PTPRN2: variants seen among roughly 807,000 people sequenced by gnomAD.
PTPRN2 encodes protein tyrosine phosphatase receptor type N2, also known as receptor-type tyrosine-protein phosphatase N2.
In PTPRN2, 74 loss-of-function variants were observed where a neutral mutation model predicts 118.8. That is an observed-to-expected ratio of 0.62 (90% CI 0.52 to 0.76). The LOEUF is 0.76. PTPRN2 is among the 30% of genes least tolerant of loss of function. The probability of loss-of-function intolerance (pLI) is 0.00; values close to 1 mark genes in which losing one functional copy is unlikely to be tolerated. For synonymous variants in PTPRN2, 641 were observed against 608.0 expected (o/e 1.05, Z -0.80); for missense variants, 1,481 against 1,394.4 (o/e 1.06, Z -0.99).
chr7:158,341,284 T>G (rs1312672677), intron 2 of PTPRN2, among the ~76,000 whole-genome samples: 2 of 148,208 alleles, frequency 1.3e-5, no homozygotes, highest in African/African-American at 4.9e-5. Flanking sequence ...ACTCTCACCA[T>G]AAGAGCCGAC....
intron 5 of PTPRN2, among the ~76,000 whole-genome samples, chr7:158,176,971 T>C (rs2335835): frequency 0.89 from 134,965 of 152,182 alleles, 60,115 homozygotes; most frequent in African/African-American, 0.97. Flanking sequence ...TAGGTGGCCC[T>C]CCTCCAGAAA....
At chr7:158,569,414 G>T (rs1456388679) in intron 1 of PTPRN2, among the ~76,000 whole-genome samples, 6 of 152,224 alleles carry the variant, frequency 3.9e-5, no homozygotes, top group Admixed American at 2.6e-4. Flanking sequence ...ACCCAGATGC[G>T]CCCGCTTGGG....
chr7:158,261,226 C>T (rs1173284457), intron 3 of PTPRN2, among the ~76,000 whole-genome samples: 4 of 152,074 alleles, frequency 2.6e-5, no homozygotes, highest in African/African-American at 4.8e-5. Context: ...AGGCCAGGGT[C>T]GGCCTGCATG....
At chr7:158,482,162 T>G (rs1040982595) in intron 2 of PTPRN2, among the ~76,000 whole-genome samples, 1 of 152,202 alleles carries the variant, frequency 6.6e-6, no homozygotes, top group African/African-American at 2.4e-5. Flanking sequence ...TGGAATCTAC[T>G]CCTGGTGAAG....
At chr7:157,871,499 T>C (rs976310256) in intron 12 of PTPRN2, among the ~76,000 whole-genome samples, 2 of 152,114 alleles carry the variant, frequency 1.3e-5, no homozygotes, top group Non-Finnish European at 2.9e-5. Flanking sequence ...GCAGCTGTGA[T>C]GTAGGAGGCA....
intron 2 of PTPRN2, among the ~76,000 whole-genome samples, chr7:158,345,317 G>C (rs1409743727): frequency 6.6e-6 from 1 of 152,202 alleles, no homozygotes; most frequent in Non-Finnish European, 1.5e-5. Flanking sequence ...TTTGGGTTTT[G>C]TCTTAATTTG....
chr7:158,085,638 CCACA>C (rs1214914286), intron 10 of PTPRN2, among the ~76,000 whole-genome samples: 1 of 128,158 alleles, frequency 7.8e-6, no homozygotes, highest in Non-Finnish European at 1.6e-5. Context: ...CGACGCCCAT[CCACA>C]CAGATACCCA....
At chr7:157,951,663 C>T (rs760730002) in intron 11 of PTPRN2, among the ~76,000 whole-genome samples, 6 of 152,242 alleles carry the variant, frequency 3.9e-5, no homozygotes, top group East Asian at 1.9e-4. Flanking sequence ...AACGTCCCTC[C>T]GCTTCCGCAG....
At chr7:157,884,342 T>C (rs565369472) in intron 12 of PTPRN2, among the ~76,000 whole-genome samples, 2 of 152,348 alleles carry the variant, frequency 1.3e-5, no homozygotes, top group Non-Finnish European at 2.9e-5. Context: ...ACAAGTTGAT[T>C]CTCTTCTATA....
chr7:157,710,145 G>A (rs1278435125), intron 12 of PTPRN2, among the ~76,000 whole-genome samples: 1 of 152,154 alleles, frequency 6.6e-6, no homozygotes, highest in Non-Finnish European at 1.5e-5. Flanking sequence ...GAACCCACAG[G>A]GCACTTGGGT....
intron 2 of PTPRN2, among the ~76,000 whole-genome samples, chr7:158,445,233 C>A (rs1245066601): frequency 6.6e-6 from 1 of 152,238 alleles, no homozygotes; most frequent in Non-Finnish European, 1.5e-5. Context: ...CTTATCTGCA[C>A]AGCCTGAAGC....
intron 3 of PTPRN2, among the ~76,000 whole-genome samples, chr7:158,247,448 G>A (rs537190125): frequency 6.6e-6 from 1 of 151,890 alleles, no homozygotes; most frequent in South Asian, 2.1e-4. Flanking sequence ...TCCCAGGTGT[G>A]CTCTTCTTCA....
chr7:158,076,911 C>T (rs753024031), intron 11 of PTPRN2, among the ~76,000 whole-genome samples: 7 of 152,210 alleles, frequency 4.6e-5, no homozygotes, highest in African/African-American at 7.2e-5. Flanking sequence ...GATGCATTGC[C>T]GAAGACAGAA....
At chr7:158,448,374 C>T (rs1396916557) in intron 2 of PTPRN2, among the ~76,000 whole-genome samples, 1 of 152,142 alleles carries the variant, frequency 6.6e-6, no homozygotes, top group African/African-American at 2.4e-5. Flanking sequence ...GAAAACCCCC[C>T]AAAAAGAGAA....
At chr7:158,339,779 CCA>C (rs1806295587) in intron 2 of PTPRN2, among the ~76,000 whole-genome samples, 1 of 104,126 alleles carries the variant, frequency 9.6e-6, no homozygotes, top group Non-Finnish European at 2.0e-5. Flanking sequence ...TCACTCACAC[CCA>C]CACTCTCACC....
chr7:157,547,037 G>T lies in PTPRN2; in HGVS notation c.2976+1909C>A, dbSNP rs148284683. On this transcript the variant is annotated intron_variant, in intron 22 of 22. Transcript: ENST00000389418. Reference sequence around the variant, plus strand: ...CTCACCTGTCTGGAGGGAAGAGGCTGCCTGACAGGCAGGTGTTCTGGGTGA... The same window carrying T: ...CTCACCTGTCTGGAGGGAAGAGGCTTCCTGACAGGCAGGTGTTCTGGGTGA... Among the ~76,000 whole-genome samples the T allele has an allele frequency of 7.9e-5, 12 of 152,298 alleles. 1 individual carries two copies. Among genetic ancestry groups the T allele is most frequent in the African/African-American group, 2.6e-4 (11 of 41,568 alleles).
chr7:158,244,507 G>C (rs1486204486), intron 3 of PTPRN2, among the ~76,000 whole-genome samples: 3 of 151,724 alleles, frequency 2.0e-5, no homozygotes, highest in African/African-American at 7.3e-5. Flanking sequence ...ATGAGTTTTT[G>C]TGTGAGCTGT....
intron 4 of PTPRN2, among the ~76,000 whole-genome samples, chr7:158,195,813 T>C (rs1826169027): frequency 6.6e-6 from 1 of 152,336 alleles, no homozygotes; most frequent in East Asian, 1.9e-4. Context: ...TGCATTTTCC[T>C]GCTCCTTTTC....
chr7:158,084,498 A>G (rs1563410779), intron 10 of PTPRN2, among the ~76,000 whole-genome samples: 1 of 152,100 alleles, frequency 6.6e-6, no homozygotes, highest in African/African-American at 2.4e-5. Flanking sequence ...TGCCAGCATC[A>G]AAAGGGGAAT....
Sources: allele counts gnomAD v4.1 joint callset (sites outside exome capture counted in the v4.1 genomes callset), GRCh38; gene constraint gnomAD v4.1.1; transcripts MANE v1.5; gene names NCBI Gene and HGNC (gene_info 2026-07-23, HGNC 2026-07-21).